The following MCTP1 variants were observed in gnomAD, a reference collection of about 807,000 sequenced individuals.
MCTP1 encodes multiple C2 and transmembrane domain-containing protein 1.
In MCTP1, 69 loss-of-function variants were observed where a neutral mutation model predicts 120.6. The observed-to-expected ratio is 0.57, with a 90% CI of 0.47 to 0.70. MCTP1 has a LOEUF of 0.70. Ranked by LOEUF, MCTP1 falls within the 30% of genes least tolerant of loss-of-function variation. The pLI is 0.00. For synonymous variants in MCTP1, 529 were observed against 493.1 expected, an observed-to-expected ratio of 1.07 and a Z score of -0.96; for missense variants, 1,203 against 1,248.8, an observed-to-expected ratio of 0.96 and a Z score of 0.55.
intron 2 of MCTP1, among the ~76,000 whole-genome samples, chr5:94,985,743 A>G (rs528090365): frequency 6.6e-6 from 1 of 152,298 alleles, no homozygotes; most frequent in Non-Finnish European, 1.5e-5. Flanking sequence ...TTCAAAACAT[A>G]TAGAGACTAA....
chr5:94,917,872 A>G, intron 8 of MCTP1, 24 bp downstream of exon 8: 1 of 1,601,544 alleles, frequency 6.2e-7, no homozygotes. Context: ...GAAAAAAATA[A>G]ATGAACTGAA....
At chr5:95,003,626 G>A (rs11953168) in intron 2 of MCTP1, among the ~76,000 whole-genome samples, 50 of 152,316 alleles carry the variant, frequency 3.3e-4, no homozygotes, top group African/African-American at 1.1e-3. Context: ...AAAAGAAGAA[G>A]AGAATACAGT....
intron 6 of MCTP1, among the ~76,000 whole-genome samples, chr5:94,930,016 T>C (rs1814164069): frequency 6.6e-6 from 1 of 152,132 alleles, no homozygotes; most frequent in Non-Finnish European, 1.5e-5. Flanking sequence ...AAATGAGTGC[T>C]GTTAGACATA....
At chr5:95,074,758 T>C (rs1190916554) in intron 1 of MCTP1, among the ~76,000 whole-genome samples, 2 of 152,160 alleles carry the variant, frequency 1.3e-5, no homozygotes, top group East Asian at 1.9e-4. Flanking sequence ...TTCCAAAAAA[T>C]ATGGCTCAAA....
At chr5:95,021,167 T>C (rs930740582) in intron 1 of MCTP1, among the ~76,000 whole-genome samples, 2 of 152,088 alleles carry the variant, frequency 1.3e-5, no homozygotes, top group Admixed American at 1.3e-4. Flanking sequence ...TTCTTACCTG[T>C]AAAGTGGGAC....
chr5:95,252,769 G>A lies in MCTP1; in HGVS notation c.720+31087C>T, dbSNP rs148348906. Among the ~76,000 whole-genome samples, 571 of 152,032 alleles carry A rather than the reference G, an allele frequency of 3.8e-3. 4 individuals are homozygous for A. Among genetic ancestry groups the A allele is most frequent in the African/African-American group, 0.012 (495 of 41,468 alleles). ...TCCCTAATTTTCCTATTAAGAATGT[G>A]TAGAGTCATATTCTTAATTCTCATT... is the stretch of plus-strand genomic sequence containing the variant. On this transcript the variant is annotated intron_variant, in intron 1 of 22. Coordinates refer to ENST00000515393, the MANE Select transcript of MCTP1 (RefSeq NM_024717.7).
chr5:95,260,234 G>C (rs1758347182), intron 1 of MCTP1, among the ~76,000 whole-genome samples: 1 of 152,112 alleles, frequency 6.6e-6, no homozygotes, highest in Non-Finnish European at 1.5e-5. Context: ...CACAAACGAT[G>C]GTCACCAAGT....
chr5:95,054,776 A>G (rs2152038440), intron 1 of MCTP1, among the ~76,000 whole-genome samples: 1 of 149,000 alleles, frequency 6.7e-6, no homozygotes. Flanking sequence ...AAAAATATGA[A>G]TCCACAGTGT....
At chr5:94,771,564 C>A (rs898162771) in intron 19 of MCTP1, among the ~76,000 whole-genome samples, 1 of 152,060 alleles carries the variant, frequency 6.6e-6, no homozygotes, top group African/African-American at 2.4e-5. Flanking sequence ...CAAGCTTTTC[C>A]AAAATCAAAA....
intron 8 of MCTP1, among the ~76,000 whole-genome samples, chr5:94,913,267 T>G (rs1238955603): frequency 6.6e-6 from 1 of 152,198 alleles, no homozygotes; most frequent in Non-Finnish European, 1.5e-5. Flanking sequence ...TCAGAGAATA[T>G]TTGCATGTGT....
At chr5:95,268,604 T>G (rs1759100324) in intron 1 of MCTP1, among the ~76,000 whole-genome samples, 1 of 152,172 alleles carries the variant, frequency 6.6e-6, no homozygotes, top group African/African-American at 2.4e-5. Context: ...GGGGTATAGA[T>G]ACACAGGAAT....
intron 1 of MCTP1, among the ~76,000 whole-genome samples, chr5:95,281,737 C>T (rs900511049): frequency 6.6e-6 from 1 of 152,072 alleles, no homozygotes; most frequent in Non-Finnish European, 1.5e-5. Flanking sequence ...TAATCTCATT[C>T]GTGACAAAAT....
At chr5:94,935,448 A>G (rs1372789593) in intron 5 of MCTP1, among the ~76,000 whole-genome samples, 1 of 152,032 alleles carries the variant, frequency 6.6e-6, no homozygotes, top group Non-Finnish European at 1.5e-5. Context: ...TTGTAATGCT[A>G]AGGACTCTCT....
intron 1 of MCTP1, among the ~76,000 whole-genome samples, chr5:95,237,804 T>C (rs950664578): frequency 1.3e-5 from 2 of 152,152 alleles, no homozygotes; most frequent in African/African-American, 4.8e-5. Context: ...GTGGGACTTG[T>C]AGAGATTGGA....
chr5:95,162,836 C>A (rs1458424780), intron 1 of MCTP1, among the ~76,000 whole-genome samples: 4 of 152,104 alleles, frequency 2.6e-5, no homozygotes, highest in African/African-American at 9.7e-5. Flanking sequence ...ACATATAAAC[C>A]TTACAGCAGC....
intron 1 of MCTP1, among the ~76,000 whole-genome samples, chr5:95,067,657 T>C (rs1253109444): frequency 6.6e-6 from 1 of 152,100 alleles, no homozygotes; most frequent in Non-Finnish European, 1.5e-5. Context: ...TACTTCAATG[T>C]TTTTAAAATT....
chr5:94,705,749 G>A lies in MCTP1; in HGVS notation c.*1747C>T, dbSNP rs1754403732. 2 of 151,304 alleles carry A rather than the reference G, an allele frequency of 1.3e-5. No individual in the cohort carries two copies. The highest frequency in any genetic ancestry group is 1.3e-4 in the Admixed American group (2 of 15,130). The allele number at this position is 151,304 out of a possible 1,614,324, so 9.4% of individuals were successfully genotyped here. On this transcript the variant is annotated 3_prime_UTR_variant, in exon 23 of 23. Coordinates refer to ENST00000515393, the MANE Select transcript of MCTP1 (RefSeq NM_024717.7). ...CACAGAACATAAAAGTCTCACATAA[G>A]GTATAATTGAAAGTTATTTCAAACA... is the stretch of plus-strand genomic sequence containing the variant.
intron 18 of MCTP1, chr5:94,793,742 A>G (rs1423920228): frequency 6.6e-6 from 1 of 152,280 alleles, no homozygotes; most frequent in South Asian, 2.1e-4. Context: ...AGTATTCCAC[A>G]TATTCCACCA....
At chr5:94,724,284 T>G (rs570483663) in intron 19 of MCTP1, among the ~76,000 whole-genome samples, 1 of 152,244 alleles carries the variant, frequency 6.6e-6, no homozygotes, top group Admixed American at 6.5e-5. Flanking sequence ...CTCGCTTTGT[T>G]GCCCAGGCTG....
Sources: gnomAD v4.1 joint callset for allele counts (sites outside exome capture counted in the v4.1 genomes callset) on GRCh38, gnomAD v4.1.1 for gene constraint, MANE v1.5 for transcripts, NCBI Gene and HGNC (gene_info 2026-07-23, HGNC 2026-07-21) for gene names.